The following THBD variants were observed in gnomAD, a reference collection of about 807,000 sequenced individuals.
The protein encoded by THBD is thrombomodulin, also known as CD141 antigen.
For missense variants in THBD, 850 were observed against 816.9 expected, an observed-to-expected ratio of 1.04 and a Z score of -0.49; for synonymous variants, 449 against 374.2, an observed-to-expected ratio of 1.20 and a Z score of -2.31.
At position 23,049,231 on chromosome 20, in the gene THBD, G is replaced by C; in HGVS notation, c.274C>G (p.Leu92Val). Reference sequence around the variant, plus strand: ...TTGGGGTCGCCGCAGCCGGGTGGCAGCTGCAGGCCGATCCAGAGGCGCCGG... The same window carrying C: ...TTGGGGTCGCCGCAGCCGGGTGGCACCTGCAGGCCGATCCAGAGGCGCCGG... ...GRRRLWIGLQ[L>V]PPGCGDPKRL... Residue 92 changes from leucine (L) to valine (V), a missense_variant, in exon 1 of 1, where the codon CTG becomes GTG. Coordinates refer to ENST00000377103, the MANE Select transcript of THBD (RefSeq NM_000361.3). The C allele has an allele frequency of 6.4e-7, 1 of 1,556,100 alleles. No individual in the cohort carries two copies. The highest frequency in any genetic ancestry group is 1.2e-5 in the South Asian group (1 of 84,802).
Position 23,048,561 on chromosome 20 carries a change from C to T in THBD, c.944G>A (p.Arg315Gln). The T allele has an allele frequency of 6.3e-7, 1 of 1,599,748 alleles. No individual in the cohort carries two copies. Among genetic ancestry groups the T allele is most frequent in the Non-Finnish European group, 8.5e-7 (1 of 1,179,712 alleles). The change falls in exon 1 of 1, where the codon CGG (arginine) becomes CAG (glutamine). Residue 315 changes from arginine (R) to glutamine (Q), a missense_variant. Physicochemically the swap from Arg to Gln is conservative, Grantham distance 43. Transcript: ENST00000377103. ...SYSCMCETGY[R>Q]LAADQHRCED... ...GCACCGGTGTTGGTCGGCCGCCAGC[C>T]GGTAGCCGGTCTCGCACATGCACGA... is the stretch of plus-strand genomic sequence containing the variant.
chr20:23,048,699 G>T lies in THBD; in HGVS notation c.806C>A (p.Ala269Asp), dbSNP rs1192863325. The change falls in exon 1 of 1, where the codon GCC becomes GAC. Residue 269 changes from alanine to aspartate, a missense_variant. By Grantham distance (126) the Ala-to-Asp change is moderately radical (BLOSUM62 -2). Transcript: ENST00000377103. ...CCCGTCTGCCTGCAGGGCGGCGCCG[G>T]CTGGGCACTGGCAGCGGGGAGCCCC... ...IPGAPRCQCP[A>D]GAALQADGRS... 3 of 1,583,480 alleles carry T rather than the reference G, an allele frequency of 1.9e-6. No individual in the cohort carries two copies. The highest frequency in any genetic ancestry group is 1.1e-5 in the South Asian group (1 of 89,226).
rs191884040 is a variant in THBD at position 23,049,465 on chromosome 20, C to T, written c.40G>A (p.Gly14Ser). 1,346 of 1,547,600 alleles carry T rather than the reference C, an allele frequency of 8.7e-4. 8 individuals are homozygous for T. The African/African-American group carries it at 0.016, about 19-fold the overall frequency. The change falls in exon 1 of 1, where the codon GGC (glycine) becomes AGC (serine). Residue 14 changes from glycine (G) to serine (S), a missense_variant. By Grantham distance (56) the Gly-to-Ser change is moderately conservative. Coordinates refer to ENST00000377103, the MANE Select transcript of THBD (RefSeq NM_000361.3). ...TCTGCGGGTGCGGGGAACCCCAGGC[C>T]GGCCAGGGCCAGCGCGCCAAGGACC... ...VLVLGALALA[G>S]LGFPAPAEPQ...
At position 23,048,338 on chromosome 20, in the gene THBD, G is replaced by C. The variant is rs370082300; in HGVS notation, c.1167C>G (p.Val389=). The change falls in exon 1 of 1, where the codon GTC becomes GTG. Residue 389 remains valine, a synonymous_variant. Coordinates refer to ENST00000377103, the MANE Select transcript of THBD (RefSeq NM_000361.3). The stretch of plus-strand genomic sequence containing the variant: ...GAATGGGCGCGAAGCCCTCGGCGCA[G>C]ACGCAGAGGTAGCTAGTTTGGTTCA... ...QPLNQTSYLC[V]CAEGFAPIPH... 6.2e-7 allele frequency: 1 copy of C among 1,613,836 alleles called. No homozygotes were observed. The highest frequency in any genetic ancestry group is 8.5e-7 in the Non-Finnish European group (1 of 1,180,058).
Position 23,045,840 on chromosome 20 carries a change from A to G in THBD, c.*1937T>C, listed in dbSNP as rs1984557688. ...ATAATAGCCTCTGGAAAAAGCTTTG[A>G]AAATCAGAGATGGTGCCACCACCAG... On this transcript the variant is annotated 3_prime_UTR_variant, in exon 1 of 1. Coordinates refer to ENST00000377103, the MANE Select transcript of THBD (RefSeq NM_000361.3). The G allele has an allele frequency of 6.6e-6, 1 of 152,204 alleles. No individual in the cohort carries two copies. Among genetic ancestry groups the G allele is most frequent in the South Asian group, 2.1e-4 (1 of 4,828 alleles). The allele number at this position is 152,204 out of a possible 1,614,324, so 9.4% of individuals were successfully genotyped here. A position where few individuals can be genotyped will look rare whatever the true frequency, so the allele number is the denominator to read the frequency against.
Position 23,049,129 on chromosome 20 carries a change from C to A in THBD, c.376G>T (p.Asp126Tyr), listed in dbSNP as rs768667473. 7.5e-6 allele frequency: 12 copies of A among 1,592,188 alleles called. No homozygotes were observed. The East Asian group carries it at 2.7e-4, about 36-fold the overall frequency. ...CCGCAGAGGGGAGCCCCATTGAGGT[C>A]GAGCCGTGCCCACCTGCTATAGCTG... ...NTSYSRWARLDLNGAPLCGPL... is the reference protein window; with the variant it reads ...NTSYSRWARLYLNGAPLCGPL... Residue 126 changes from aspartate to tyrosine, a missense_variant, in exon 1 of 1, where the codon GAC becomes TAC. Coordinates refer to ENST00000377103, the MANE Select transcript of THBD (RefSeq NM_000361.3).
At position 23,049,116 on chromosome 20, in the gene THBD, G is replaced by A. The variant is rs779956574; in HGVS notation, c.389C>T (p.Ala130Val). 5.0e-6 allele frequency: 8 copies of A among 1,592,902 alleles called. No individual in the cohort carries two copies. Among genetic ancestry groups the A allele is most frequent in the Middle Eastern group, 1.7e-4 (1 of 6,032 alleles). ...SRWARLDLNG[A>V]PLCGPLCVAV... is the part of the protein sequence containing the mutation. ...GACGCACAACGGGCCGCAGAGGGGAGCCCCATTGAGGTCGAGCCGTGCCCA... is the reference window on the plus strand; with the variant it reads ...GACGCACAACGGGCCGCAGAGGGGAACCCCATTGAGGTCGAGCCGTGCCCA... The change falls in exon 1 of 1, where the codon GCT becomes GTT. Residue 130 changes from alanine to valine, a missense_variant. Physicochemically the swap from Ala to Val is moderately conservative, Grantham distance 64. Transcript: ENST00000377103.
chr20:23,047,620 C>G lies in THBD; in HGVS notation c.*157G>C. ...GGCTCATTCTCCTCCCTCTAATCACCCCCTCGCCAGTTAGCCATGGAATAG... is the reference window on the plus strand; with the variant it reads ...GGCTCATTCTCCTCCCTCTAATCACGCCCTCGCCAGTTAGCCATGGAATAG... On this transcript the variant is annotated 3_prime_UTR_variant, in exon 1 of 1. Transcript: ENST00000377103. The G allele has an allele frequency of 1.1e-6, 1 of 878,440 alleles. No homozygotes were observed. Among genetic ancestry groups the G allele is most frequent in the Non-Finnish European group, 1.7e-6 (1 of 589,450 alleles). The allele number at this position is 878,440 out of a possible 1,614,324, so 54.4% of individuals were successfully genotyped here.
Position 23,048,420 on chromosome 20 carries a change from C to T in THBD, c.1085G>A (p.Cys362Tyr). The T allele has an allele frequency of 6.2e-7, 1 of 1,613,944 alleles. No individual in the cohort carries two copies. The highest frequency in any genetic ancestry group is 8.5e-7 in the Non-Finnish European group (1 of 1,180,040). ...YPNYDLVDGE[C>Y]VEPVDPCFRA... ...GAAGCACGGGTCCACGGGCTCCACA[C>T]ACTCGCCGTCCACCAGGTCGTAGTT... Residue 362 changes from cysteine (C) to tyrosine (Y), a missense_variant, in exon 1 of 1, where the codon TGT becomes TAT. Cys to Tyr is a radical substitution (Grantham distance 194). Coordinates refer to ENST00000377103, the MANE Select transcript of THBD (RefSeq NM_000361.3).
chr20:23,047,609 C>T lies in THBD; in HGVS notation c.*168G>A. On this transcript the variant is annotated 3_prime_UTR_variant, in exon 1 of 1. Transcript: ENST00000377103. ...GAAGAGGCCGAGGCTCATTCTCCTC[C>T]CTCTAATCACCCCCTCGCCAGTTAG... The T allele has an allele frequency of 7.5e-6, 6 of 795,950 alleles. No individual in the cohort carries two copies. Among genetic ancestry groups the T allele is most frequent in the Non-Finnish European group, 1.2e-5 (6 of 515,786 alleles). 49.3% of individuals were successfully genotyped at this position (795,950 alleles called of 1,614,324 possible). A position where few individuals can be genotyped will look rare whatever the true frequency, so the allele number is the denominator to read the frequency against.
In THBD at chr20:23,047,123, C is replaced by T. The variant is rs894817339; in HGVS notation, c.*654G>A. 6.6e-6 allele frequency: 1 copy of T among 152,218 alleles called. No individual in the cohort carries two copies. Among genetic ancestry groups the T allele is most frequent in the Non-Finnish European group, 1.5e-5 (1 of 68,052 alleles). 9.4% of individuals were successfully genotyped at this position (152,218 alleles called of 1,614,324 possible). A position where few individuals can be genotyped will look rare whatever the true frequency, so the allele number is the denominator to read the frequency against. On this transcript the variant is annotated 3_prime_UTR_variant, in exon 1 of 1. Transcript: ENST00000377103. Reference sequence around the variant, plus strand: ...TTTGTTTCTGTTTCATGTAGGGGTTCTGTCTGAGCAGACAGCTAAGAGCAA... The same window carrying T: ...TTTGTTTCTGTTTCATGTAGGGGTTTTGTCTGAGCAGACAGCTAAGAGCAA...
rs1253489582 is a variant in THBD, at chr20:23,047,810, G to A, written c.1695C>T (p.His565=). 4 of 1,596,912 alleles carry A rather than the reference G, an allele frequency of 2.5e-6. No homozygotes were observed. Among genetic ancestry groups the A allele is most frequent in the Admixed American group, 3.5e-5 (2 of 57,772 alleles). The change falls in exon 1 of 1, where the codon CAC becomes CAT. Residue 565 remains histidine, a synonymous_variant. Coordinates refer to ENST00000377103, the MANE Select transcript of THBD (RefSeq NM_000361.3). ...TCTGCGGCGTCCGCTCGGTCCGCAC[G>A]TGCTGCAGCACTACCTCCTTGGAAG... ...AAPSKEVVLQ[H]VRTERTPQRL
In THBD at chr20:23,048,629, G is replaced by GCAGAGGT; in HGVS notation, c.869_875dup (p.Cys292Ter). ...CGGGGTTGGGAACGCAGAAGTGCTC[G>GCAGAGGT]CAGAGGTCGTTGCAGGACTGCGTCG... On this transcript the variant is annotated stop_gained and frameshift_variant, in exon 1 of 1. Transcript: ENST00000377103. LOFTEE classifies it low-confidence loss of function (END_TRUNC). 2.5e-6 allele frequency: 4 copies of GCAGAGGT among 1,597,122 alleles called. No homozygotes were observed. The highest frequency in any genetic ancestry group is 3.4e-6 in the Non-Finnish European group (4 of 1,179,022).
rs1177652665 is a variant in THBD, at chr20:23,046,393, T to G, written c.*1384A>C. The G allele has an allele frequency of 6.6e-6, 1 of 152,240 alleles. No individual in the cohort carries two copies. Among genetic ancestry groups the G allele is most frequent in the African/African-American group, 2.4e-5 (1 of 41,460 alleles). 9.4% of individuals were successfully genotyped at this position (152,240 alleles called of 1,614,324 possible). The stretch of plus-strand genomic sequence containing the variant: ...AAAATTGGAAGCAGTCTGGAATGGT[T>G]GTCCTCAAATTACTGAGCAGACACA... On this transcript the variant is annotated 3_prime_UTR_variant, in exon 1 of 1. Coordinates refer to ENST00000377103, the MANE Select transcript of THBD (RefSeq NM_000361.3).
rs760313924 is a variant in THBD, at chr20:23,048,411, G to A, written c.1094C>T (p.Pro365Leu). The part of the protein sequence containing the change: ...YDLVDGECVE[P>L]VDPCFRANCE... ...GTTGGCTCTGAAGCACGGGTCCACG[G>A]GCTCCACACACTCGCCGTCCACCAG... The change falls in exon 1 of 1, where the codon CCC becomes CTC. Residue 365 changes from proline (P) to leucine (L), a missense_variant. Transcript: ENST00000377103. 11 of 1,613,962 alleles carry A rather than the reference G, an allele frequency of 6.8e-6. No homozygotes were observed. In the South Asian group the frequency reaches 8.8e-5, roughly 13 times the overall value.
rs1403253740 is a variant in THBD at position 23,047,209 on chromosome 20, AG to A, written c.*567del. ...GTGAGTTGGCCCAGTTCCTGGGAGG[AG>A]AAAACTAGGAAGAATGGGGAATAAG... On this transcript the variant is annotated 3_prime_UTR_variant, in exon 1 of 1. Coordinates refer to ENST00000377103, the MANE Select transcript of THBD (RefSeq NM_000361.3). The A allele has an allele frequency of 2.6e-5, 4 of 153,066 alleles. No individual in the cohort carries two copies. Among genetic ancestry groups the A allele is most frequent in the African/African-American group, 9.6e-5 (4 of 41,544 alleles). 9.5% of individuals were successfully genotyped at this position (153,066 alleles called of 1,614,324 possible). A position where few individuals can be genotyped will look rare whatever the true frequency, so the allele number is the denominator to read the frequency against.
At position 23,049,596 on chromosome 20, in the gene THBD, C is replaced by A. The variant is rs531725981; in HGVS notation, c.-92G>T. Reference sequence around the variant, plus strand: ...GCAGAGGGGCACAGGACGCCGATGGCGACAGCCTCTCCTGTCCGTCCCAGC... The same window carrying A: ...GCAGAGGGGCACAGGACGCCGATGGAGACAGCCTCTCCTGTCCGTCCCAGC... On this transcript the variant is annotated 5_prime_UTR_variant, in exon 1 of 1. Transcript: ENST00000377103. 8.1e-6 allele frequency: 12 copies of A among 1,490,518 alleles called. No individual in the cohort carries two copies. Among genetic ancestry groups the A allele is most frequent in the African/African-American group, 4.2e-5 (3 of 71,500 alleles). 92.3% of individuals were successfully genotyped at this position (1,490,518 alleles called of 1,614,324 possible). A position where few individuals can be genotyped will look rare whatever the true frequency, so the allele number is the denominator to read the frequency against.
In THBD at chr20:23,047,824, C is replaced by A; in HGVS notation, c.1681G>T (p.Val561Leu). The part of the protein sequence containing the change: ...EYKCAAPSKE[V>L]VLQHVRTERT... ...TCGGTCCGCACGTGCTGCAGCACTA[C>A]CTCCTTGGAAGGGGCCGCGCACTTG... The change falls in exon 1 of 1, where the codon GTA becomes TTA. Residue 561 changes from valine to leucine, a missense_variant. Val to Leu is a conservative substitution (Grantham distance 32). Coordinates refer to ENST00000377103, the MANE Select transcript of THBD (RefSeq NM_000361.3). 6.3e-7 allele frequency: 1 copy of A among 1,599,320 alleles called. No individual in the cohort carries two copies. Among genetic ancestry groups the A allele is most frequent in the South Asian group, 1.1e-5 (1 of 88,664 alleles).
chr20:23,047,574 T>C lies in THBD; in HGVS notation c.*203A>G. The C allele has an allele frequency of 1.5e-6, 1 of 646,200 alleles. No homozygotes were observed. The highest frequency in any genetic ancestry group is 2.6e-6 in the Non-Finnish European group (1 of 380,692). The allele number at this position is 646,200 out of a possible 1,614,324, so 40.0% of individuals were successfully genotyped here. A position where few individuals can be genotyped will look rare whatever the true frequency, so the allele number is the denominator to read the frequency against. Reference sequence around the variant, plus strand: ...TTGCCATCATTGCCCAGTGGTCCAGTGACGTCACGGAAGAGGCCGAGGCTC... The same window carrying C: ...TTGCCATCATTGCCCAGTGGTCCAGCGACGTCACGGAAGAGGCCGAGGCTC... On this transcript the variant is annotated 3_prime_UTR_variant, in exon 1 of 1. Transcript: ENST00000377103.
Sources: allele counts gnomAD v4.1 joint callset, GRCh38; gene constraint gnomAD v4.1.1; transcripts MANE v1.5; gene names NCBI Gene and HGNC (gene_info 2026-07-23, HGNC 2026-07-21).